Variants in MEIS2 observed in about 807,000 individuals in gnomAD.
MEIS2 encodes homeobox protein Meis2.
MEIS2 carries 9 observed loss-of-function variants against 58.6 expected under a neutral mutation model. That is an observed-to-expected ratio of 0.15 (90% CI 0.09 to 0.27). The LOEUF (loss-of-function observed/expected upper bound fraction) is 0.27, where lower values mean the gene tolerates loss of function less well. Ranked by LOEUF, MEIS2 falls within the 10% of genes least tolerant of loss-of-function variation. The pLI is 1.00. For missense variants in MEIS2, 427 were observed against 635.0 expected, an observed-to-expected ratio of 0.67 and a Z score of 3.52; for synonymous variants, 221 against 228.4, an observed-to-expected ratio of 0.97 and a Z score of 0.29.
At chr15:37,008,555 T>A (rs1485882027) in intron 8 of MEIS2, among the ~76,000 whole-genome samples, 1 of 152,260 alleles carries the variant, frequency 6.6e-6, no homozygotes, top group African/African-American at 2.4e-5. Context: ...TATAATATTT[T>A]AAGTACACGA....
Position 37,006,973 on chromosome 15 carries a change from G to A in MEIS2, c.900+29841C>T, listed in dbSNP as rs547606032. Among the ~76,000 whole-genome samples the A allele has an allele frequency of 2.4e-4, 37 of 152,280 alleles. No homozygotes were observed. In the Middle Eastern group the frequency reaches 0.02, roughly 84 times the overall value. On this transcript the variant is annotated intron_variant, in intron 8 of 11. Coordinates refer to ENST00000561208, the MANE Select transcript of MEIS2 (RefSeq NM_170675.5). ...CACTGATAGCCGAGGTTGTAGGATC[G>A]TCTGCCACCTTTTACTAGCTGAGTA...
At chr15:36,966,196 C>T (rs1443210339) in intron 8 of MEIS2, among the ~76,000 whole-genome samples, 1 of 152,026 alleles carries the variant, frequency 6.6e-6, no homozygotes, top group Non-Finnish European at 1.5e-5. Context: ...AACATTTGGC[C>T]CATATGAGCA....
rs2062989743 is a variant in MEIS2, at chr15:37,053,021, A to G, written c.755-16062T>C. Among the ~76,000 whole-genome samples, 5 of 152,222 alleles carry G rather than the reference A, an allele frequency of 3.3e-5. No homozygotes were observed. In the South Asian group the frequency reaches 1.0e-3, roughly 32 times the overall value. On this transcript the variant is annotated intron_variant, in intron 7 of 11. Coordinates refer to ENST00000561208, the MANE Select transcript of MEIS2 (RefSeq NM_170675.5). ...AGGGCACCAACACGGCTTTATTCAGATCCTGTTAGCTAATAAAACAGGAAC... is the reference window on the plus strand; with the variant it reads ...AGGGCACCAACACGGCTTTATTCAGGTCCTGTTAGCTAATAAAACAGGAAC...
At chr15:36,991,940 A>C (rs1275718044) in intron 8 of MEIS2, among the ~76,000 whole-genome samples, 1 of 149,070 alleles carries the variant, frequency 6.7e-6, no homozygotes, top group African/African-American at 2.5e-5. Flanking sequence ...GGCGCCTGCC[A>C]CTACGCCCGG....
chr15:36,893,024 T>C (rs2055963749), intron 11 of MEIS2, among the ~76,000 whole-genome samples: 1 of 152,164 alleles, frequency 6.6e-6, no homozygotes, highest in Admixed American at 6.5e-5. Context: ...ACCCAAGAGA[T>C]TGTAAAGGTC....
intron 9 of MEIS2, among the ~76,000 whole-genome samples, chr15:36,930,984 A>G (rs2057955128): frequency 6.6e-6 from 1 of 152,186 alleles, no homozygotes; most frequent in Non-Finnish European, 1.5e-5. Flanking sequence ...AATTGCAGTG[A>G]GTAAGTGGTT....
chr15:36,924,619 C>T (rs2057667622), intron 9 of MEIS2, among the ~76,000 whole-genome samples: 2 of 152,124 alleles, frequency 1.3e-5, no homozygotes, highest in East Asian at 1.9e-4. Context: ...AGACTTGCCG[C>T]GAACCTCAAA....
intron 9 of MEIS2, among the ~76,000 whole-genome samples, chr15:36,921,907 C>T (rs543128420): frequency 3.0e-4 from 46 of 152,276 alleles, no homozygotes; most frequent in Admixed American, 9.2e-4. Context: ...CCCTTACGTA[C>T]GAGGGCTTCC....
chr15:36,954,577 AT>A (rs1431533101), intron 8 of MEIS2, among the ~76,000 whole-genome samples: 1 of 151,680 alleles, frequency 6.6e-6, no homozygotes, highest in Non-Finnish European at 1.5e-5. Context: ...ATTCTCTTGC[AT>A]TGTGGTAACT....
At chr15:36,918,061 A>T (rs2057353299) in intron 9 of MEIS2, among the ~76,000 whole-genome samples, 1 of 152,230 alleles carries the variant, frequency 6.6e-6, no homozygotes, top group Non-Finnish European at 1.5e-5. Flanking sequence ...CCTACTGGGC[A>T]TTGCATCAAG....
intron 8 of MEIS2, among the ~76,000 whole-genome samples, chr15:36,966,705 G>C (rs1331554314): frequency 1.3e-5 from 2 of 152,200 alleles, no homozygotes; most frequent in African/African-American, 4.8e-5. Flanking sequence ...TTCTGGCAAG[G>C]AGTGAAGGTA....
intron 6 of MEIS2, among the ~76,000 whole-genome samples, chr15:37,092,615 C>G (rs1243940277): frequency 6.7e-6 from 1 of 149,556 alleles, no homozygotes; most frequent in Non-Finnish European, 1.5e-5. Context: ...ACTCTTTAAC[C>G]TCGCCACTCT....
chr15:37,002,312 A>G (rs2060760517), intron 8 of MEIS2, among the ~76,000 whole-genome samples: 1 of 126,730 alleles, frequency 7.9e-6, no homozygotes, highest in Admixed American at 1.0e-4. Context: ...CCGCTTCTGC[A>G]GCCTCCTTAA....
At chr15:36,975,100 C>T (rs1185435749) in intron 8 of MEIS2, among the ~76,000 whole-genome samples, 1 of 152,198 alleles carries the variant, frequency 6.6e-6, no homozygotes, top group African/African-American at 2.4e-5. Context: ...TTATCACTTT[C>T]TGTTTTCCTT....
intron 9 of MEIS2, among the ~76,000 whole-genome samples, chr15:36,915,010 T>A (rs2057210297): frequency 6.6e-6 from 1 of 152,008 alleles, no homozygotes; most frequent in Admixed American, 6.6e-5. Flanking sequence ...AGAAATGAAA[T>A]CTCTCTCTCC....
At chr15:37,018,049 A>G (rs150636330) in intron 8 of MEIS2, among the ~76,000 whole-genome samples, 1 of 152,288 alleles carries the variant, frequency 6.6e-6, no homozygotes, top group East Asian at 1.9e-4. Context: ...CAACCCTAGG[A>G]GGAAGTATTA....
In MEIS2 at chr15:36,899,583, C is replaced by A. The variant is rs961338011; in HGVS notation, c.978-2897G>T. Among the ~76,000 whole-genome samples, 31 of 151,480 alleles carry A rather than the reference C, an allele frequency of 2.0e-4. 1 individual carries two copies. Among genetic ancestry groups the A allele is most frequent in the Non-Finnish European group, 2.9e-5 (2 of 67,864 alleles). On this transcript the variant is annotated intron_variant, in intron 9 of 11. Coordinates refer to ENST00000561208, the MANE Select transcript of MEIS2 (RefSeq NM_170675.5). ...TCTAATCTATATTTTTTAGAATGAC[C>A]TTTTTCAATGCTCAAGTAGTAAATA...
intron 7 of MEIS2, among the ~76,000 whole-genome samples, chr15:37,045,818 C>T (rs745506889): frequency 2.6e-5 from 4 of 152,134 alleles, no homozygotes; most frequent in Non-Finnish European, 5.9e-5. Context: ...GAAATGCTTT[C>T]GTTTACATGC....
chr15:36,911,236 GC>G (rs1167976783), intron 9 of MEIS2, among the ~76,000 whole-genome samples: 2 of 151,620 alleles, frequency 1.3e-5, no homozygotes, highest in Admixed American at 6.6e-5. Context: ...CTTCAAAATA[GC>G]TGTTTGAAAC....
Sources: gnomAD v4.1 joint callset for allele counts (sites outside exome capture counted in the v4.1 genomes callset) on GRCh38, gnomAD v4.1.1 for gene constraint, MANE v1.5 for transcripts, NCBI Gene and HGNC (gene_info 2026-07-23, HGNC 2026-07-21) for gene names.